TMEM170A: variants seen among roughly 807,000 people sequenced by gnomAD.
The protein encoded by TMEM170A is transmembrane protein 170A.
TMEM170A carries 18 observed loss-of-function variants against 12.8 expected under a neutral mutation model. The ratio of observed to expected loss-of-function variants is 1.41; its 90% confidence interval spans 0.97 to 2.09. TMEM170A has a LOEUF of 2.09. Among genes scored for constraint, TMEM170A ranks in the 30% most tolerant of loss-of-function variants. TMEM170A has a pLI of 0.00. For missense variants in TMEM170A, 220 were observed against 179.9 expected (o/e 1.22, Z -1.28); for synonymous variants, 107 against 76.2 (o/e 1.40, Z -2.11).
rs1051390232 is a variant in TMEM170A at position 75,464,655 on chromosome 16, G to A, written c.-55C>T. The stretch of plus-strand genomic sequence containing the variant: ...GGACGAGCGCCCGAAGTGCGGTAGC[G>A]GCCGGCGCCGACTCACCCTCGCCGC... On this transcript the variant is annotated 5_prime_UTR_variant, in exon 1 of 3. Coordinates refer to ENST00000561878, the MANE Select transcript of TMEM170A (RefSeq NM_145254.3). 5 of 1,536,360 alleles carry A rather than the reference G, an allele frequency of 3.3e-6. No individual in the cohort carries two copies. In the South Asian group the frequency reaches 3.6e-5, roughly 11 times the overall value.
chr16:75,464,703 G>A (rs1431057941), upstream of TMEM170A: 7 of 1,440,140 alleles, frequency 4.9e-6, no homozygotes, highest in Admixed American at 3.0e-5. Flanking sequence ...TCCAGCCGGG[G>A]TCCTCTTCCC....
intron 1 of TMEM170A, 122 bp downstream of exon 1, chr16:75,464,346 G>C (rs1355974892): frequency 7.4e-7 from 1 of 1,350,616 alleles, no homozygotes; most frequent in African/African-American, 1.6e-5. Context: ...CCCCCTCCCG[G>C]AGGACAGCGC....
intron 1 of TMEM170A, among the ~76,000 whole-genome samples, chr16:75,456,886 C>G (rs771159091): frequency 6.6e-6 from 1 of 152,234 alleles, no homozygotes; most frequent in African/African-American, 2.4e-5. Context: ...CAAGCCCCCA[C>G]ACAGCACCAT....
At chr16:75,463,631 C>T (rs2079944678) in intron 1 of TMEM170A, among the ~76,000 whole-genome samples, 1 of 152,252 alleles carries the variant, frequency 6.6e-6, no homozygotes, top group African/African-American at 2.4e-5. Flanking sequence ...CTGGGAGCCC[C>T]ACCTCCCCTT....
Position 75,443,280 on chromosome 16 carries a change from GAATTAGA to G in TMEM170A, c.*4271_*4277del, listed in dbSNP as rs2079531839. 1 of 152,150 alleles carries G rather than the reference GAATTAGA, an allele frequency of 6.6e-6. No individual in the cohort carries two copies. Among genetic ancestry groups the G allele is most frequent in the Non-Finnish European group, 1.5e-5 (1 of 68,030 alleles). 9.4% of individuals were successfully genotyped at this position (152,150 alleles called of 1,614,324 possible). A position where few individuals can be genotyped will look rare whatever the true frequency, so the allele number is the denominator to read the frequency against. On this transcript the variant is annotated 3_prime_UTR_variant, in exon 3 of 3. Transcript: ENST00000561878. ...TTTTTATTGATAAACATTTACACTA[GAATTAGA>G]AATGTCAGTAGAAAAATAAAATTTA...
chr16:75,460,414 C>G (rs929237871), intron 1 of TMEM170A, among the ~76,000 whole-genome samples: 4 of 152,122 alleles, frequency 2.6e-5, no homozygotes, highest in Non-Finnish European at 4.4e-5. Flanking sequence ...TGTGCGTTGC[C>G]GACACAGTCC....
intron 1 of TMEM170A, among the ~76,000 whole-genome samples, chr16:75,455,660 C>A (rs968721925): frequency 2.6e-5 from 4 of 152,086 alleles, no homozygotes; most frequent in African/African-American, 9.7e-5. Context: ...TAAAAATTAG[C>A]CGGGCGTGGT....
At chr16:75,461,734 T>C (rs931735801) in intron 1 of TMEM170A, among the ~76,000 whole-genome samples, 3 of 152,242 alleles carry the variant, frequency 2.0e-5, no homozygotes, top group Non-Finnish European at 4.4e-5. Context: ...TACCTGCTCA[T>C]AACACCAGAC....
intron 1 of TMEM170A, among the ~76,000 whole-genome samples, chr16:75,461,650 A>C (rs2079910292): frequency 6.6e-6 from 1 of 152,234 alleles, no homozygotes; most frequent in Non-Finnish European, 1.5e-5. Flanking sequence ...TTCCTGCCAA[A>C]GATGAGACAC....
intron 1 of TMEM170A, among the ~76,000 whole-genome samples, chr16:75,459,181 A>C (rs897448399): frequency 6.6e-6 from 1 of 152,236 alleles, no homozygotes; most frequent in Non-Finnish European, 1.5e-5. Context: ...GGCATGAGCC[A>C]CTGTGCCCAG....
intron 2 of TMEM170A, among the ~76,000 whole-genome samples, chr16:75,450,225 G>A (rs1034995467): frequency 6.7e-6 from 1 of 149,298 alleles, no homozygotes; most frequent in African/African-American, 2.5e-5. Context: ...CATAGAGGGC[G>A]ATTTCTGCTT....
chr16:75,463,014 G>A (rs2079934129), intron 1 of TMEM170A, among the ~76,000 whole-genome samples: 1 of 152,162 alleles, frequency 6.6e-6, no homozygotes, highest in Non-Finnish European at 1.5e-5. Context: ...CTACATCTAA[G>A]TGTGATACGT....
chr16:75,457,992 A>G (rs527662888), intron 1 of TMEM170A, among the ~76,000 whole-genome samples: 1 of 152,330 alleles, frequency 6.6e-6, no homozygotes, highest in East Asian at 1.9e-4. Context: ...ACCTGAATCT[A>G]AAACGCTTTT....
chr16:75,457,800 G>A (rs967880468), intron 1 of TMEM170A, among the ~76,000 whole-genome samples: 5 of 152,096 alleles, frequency 3.3e-5, no homozygotes, highest in Non-Finnish European at 4.4e-5. Flanking sequence ...AAAGGGAGGA[G>A]GCACACCGCA....
At position 75,452,848 on chromosome 16, in the gene TMEM170A, T is replaced by C. The variant is rs138541762; in HGVS notation, c.134-1009A>G. Among the ~76,000 whole-genome samples the C allele has an allele frequency of 5.4e-4, 82 of 152,362 alleles. 1 individual carries two copies. In the East Asian group the frequency reaches 0.015, roughly 28 times the overall value. On this transcript the variant is annotated intron_variant, in intron 1 of 2. Transcript: ENST00000561878. ...GCCTACAGACCCACCACCTGTTTTT[T>C]ACACACTTATCTGAACCCATTCATA...
chr16:75,461,482 A>G (rs1049700023), intron 1 of TMEM170A, among the ~76,000 whole-genome samples: 1 of 152,242 alleles, frequency 6.6e-6, no homozygotes, highest in African/African-American at 2.4e-5. Flanking sequence ...CTTCAGAACA[A>G]TGATTCTGCC....
chr16:75,453,312 T>C lies in TMEM170A; in HGVS notation c.134-1473A>G, dbSNP rs1378657669. On this transcript the variant is annotated intron_variant, in intron 1 of 2. Transcript: ENST00000561878. ...AGCCTGGCATGGTATTGCATACCTG[T>C]AGTCCTAGCTACTCGAGAGGCTGAG... Among the ~76,000 whole-genome samples, 9 of 152,266 alleles carry C rather than the reference T, an allele frequency of 5.9e-5. No homozygotes were observed. In the East Asian group the frequency reaches 1.7e-3, roughly 29 times the overall value.
At chr16:75,449,285 T>C (rs565550795) in intron 2 of TMEM170A, among the ~76,000 whole-genome samples, 1 of 152,130 alleles carries the variant, frequency 6.6e-6, no homozygotes, top group African/African-American at 2.4e-5. Context: ...CAGAAACAGA[T>C]TTGCAATAAT....
chr16:75,464,419 C>A (rs1167231936), intron 1 of TMEM170A, 49 bp downstream of exon 1: 1 of 1,398,738 alleles, frequency 7.1e-7, no homozygotes, highest in Non-Finnish European at 9.3e-7. Flanking sequence ...CACAGCACGG[C>A]AGCGGCGACG....
Sources: gnomAD v4.1 joint callset for allele counts (sites outside exome capture counted in the v4.1 genomes callset) on GRCh38, gnomAD v4.1.1 for gene constraint, MANE v1.5 for transcripts, NCBI Gene and HGNC (gene_info 2026-07-23, HGNC 2026-07-21) for gene names.